The following MCOLN2 variants were observed in gnomAD, a reference collection of about 807,000 sequenced individuals.
MCOLN2 encodes the protein mucolipin-2.
Under a neutral mutation model 67.5 loss-of-function variants are expected in MCOLN2, and 57 were observed. That is an observed-to-expected ratio of 0.84 (90% CI 0.68 to 1.05). The LOEUF is 1.05. Among genes scored for constraint, MCOLN2 ranks in the 50% least tolerant of loss-of-function variants. The pLI, the probability that MCOLN2 is intolerant of heterozygous loss-of-function variation, is 0.00. For missense variants in MCOLN2, 620 were observed against 678.8 expected (o/e 0.91, Z 0.96); for synonymous variants, 246 against 233.3 (o/e 1.05, Z -0.50).
Position 84,960,094 on chromosome 1 carries a change from G to A in MCOLN2, c.238-1392C>T, listed in dbSNP as rs12072647. Among the ~76,000 whole-genome samples, 772 of 152,122 alleles carry A rather than the reference G, an allele frequency of 5.1e-3. 7 individuals carry two copies. The highest frequency in any genetic ancestry group is 0.018 in the African/African-American group (735 of 41,488). On this transcript the variant is annotated intron_variant, in intron 2 of 13. Coordinates refer to ENST00000370608, the MANE Select transcript of MCOLN2 (RefSeq NM_153259.4). ...ATATGCAAACAACATACAGGCATAC[G>A]GTTTTTTCATGGTTTACATTTTTTA...
chr1:84,939,950 A>C (rs1279554923), intron 8 of MCOLN2, among the ~76,000 whole-genome samples: 3 of 152,186 alleles, frequency 2.0e-5, no homozygotes, highest in Non-Finnish European at 4.4e-5. Context: ...TTCTTGTCAT[A>C]GCTAACACAC....
intron 2 of MCOLN2, among the ~76,000 whole-genome samples, chr1:84,965,230 A>G (rs1261740988): frequency 1.3e-5 from 2 of 152,232 alleles, no homozygotes; most frequent in Admixed American, 6.5e-5. Flanking sequence ...TTTTGGAAGT[A>G]TATTTGAATA....
intron 1 of MCOLN2, among the ~76,000 whole-genome samples, chr1:84,974,704 A>T (rs1435081954): frequency 6.6e-6 from 1 of 151,872 alleles, no homozygotes; most frequent in African/African-American, 2.4e-5. Flanking sequence ...CATCTCGGCT[A>T]TTGGGGGGTG....
At chr1:84,975,832 A>G (rs1393080628) in intron 1 of MCOLN2, among the ~76,000 whole-genome samples, 3 of 152,140 alleles carry the variant, frequency 2.0e-5, no homozygotes, top group African/African-American at 7.2e-5. Context: ...ACAGAGATTG[A>G]CATAATTAAA....
intron 1 of MCOLN2, among the ~76,000 whole-genome samples, chr1:84,973,649 A>G (rs556668586): frequency 1.3e-5 from 2 of 152,256 alleles, no homozygotes; most frequent in East Asian, 3.9e-4. Context: ...AAGCATTTTT[A>G]GAATGTATCA....
intron 1 of MCOLN2, among the ~76,000 whole-genome samples, chr1:84,985,148 C>T (rs1650444277): frequency 6.6e-6 from 1 of 152,124 alleles, no homozygotes; most frequent in Non-Finnish European, 1.5e-5. Context: ...GCATTTACCT[C>T]CTCAAGCTGA....
intron 1 of MCOLN2, among the ~76,000 whole-genome samples, chr1:84,976,328 C>T (rs529654214): frequency 1.3e-5 from 2 of 152,274 alleles, no homozygotes; most frequent in East Asian, 3.9e-4. Flanking sequence ...AGCATCAATA[C>T]ATCTGGCAGT....
intron 11 of MCOLN2, among the ~76,000 whole-genome samples, chr1:84,932,707 C>T (rs539641144): frequency 6.6e-5 from 10 of 152,156 alleles, no homozygotes; most frequent in Admixed American, 3.9e-4. Context: ...TACTCTTCCC[C>T]GCTTTCAGTC....
At chr1:84,964,490 A>G (rs1649266074) in intron 2 of MCOLN2, among the ~76,000 whole-genome samples, 2 of 143,448 alleles carry the variant, frequency 1.4e-5, no homozygotes, top group Non-Finnish European at 3.0e-5. Context: ...GGTTTTGTAG[A>G]AGACAATTTT....
chr1:84,975,951 C>A (rs1388873113), intron 1 of MCOLN2, among the ~76,000 whole-genome samples: 1 of 151,784 alleles, frequency 6.6e-6, no homozygotes, highest in Non-Finnish European at 1.5e-5. Flanking sequence ...AATTAGTGAG[C>A]TCCAAGACAG....
At chr1:84,950,130 T>C (rs912325053) in intron 6 of MCOLN2, among the ~76,000 whole-genome samples, 1 of 152,198 alleles carries the variant, frequency 6.6e-6, no homozygotes, top group Non-Finnish European at 1.5e-5. Flanking sequence ...AATTAGAGGC[T>C]AAGGAACTCA....
At position 84,926,689 on chromosome 1, in the gene MCOLN2, C is replaced by A; in HGVS notation, c.1697G>T (p.Ser566Ile). The A allele has an allele frequency of 6.3e-7, 1 of 1,592,666 alleles. No homozygotes were observed. Among genetic ancestry groups the A allele is most frequent in the Non-Finnish European group, 8.6e-7 (1 of 1,166,644 alleles). The change falls in exon 14 of 14, where the codon AGC (serine) becomes ATC (isoleucine). Residue 566 changes from serine to isoleucine, a missense_variant. Ser to Ile is a moderately radical substitution (Grantham distance 142, BLOSUM62 -2). Transcript: ENST00000370608. ...TTAATCATCTTTAGCAGAACTTTAGCTAATAGGTATCAAGTGATCATCACT... is the reference window on the plus strand; with the variant it reads ...TTAATCATCTTTAGCAGAACTTTAGATAATAGGTATCAAGTGATCATCACT... ...KRSDDHLIPIS is the reference protein window; with the variant it reads ...KRSDDHLIPII
intron 7 of MCOLN2, among the ~76,000 whole-genome samples, chr1:84,941,966 A>G (rs1030933): frequency 0.56 from 85,394 of 152,010 alleles, 24,350 homozygotes; most frequent in East Asian, 0.74. Context: ...ATCCCAGCCC[A>G]GCTCTCTTCT....
chr1:84,951,936 G>T (rs949879975), intron 6 of MCOLN2, among the ~76,000 whole-genome samples: 1 of 152,018 alleles, frequency 6.6e-6, no homozygotes, highest in African/African-American at 2.4e-5. Flanking sequence ...ACACAAAAAA[G>T]TTAAGCTGGG....
chr1:84,949,134 A>C (rs1360925161), intron 6 of MCOLN2, among the ~76,000 whole-genome samples: 1 of 152,236 alleles, frequency 6.6e-6, no homozygotes, highest in Non-Finnish European at 1.5e-5. Flanking sequence ...TGTCTCGATA[A>C]AAATAAAGTA....
At chr1:84,995,531 CACTTTT>C (rs1419667553) in intron 1 of MCOLN2, among the ~76,000 whole-genome samples, 3 of 152,152 alleles carry the variant, frequency 2.0e-5, no homozygotes, top group Admixed American at 6.5e-5. Context: ...CAGGAAAGTC[CACTTTT>C]ACTTTTACAG....
At chr1:84,930,221 C>T (rs369736038) in intron 12 of MCOLN2, among the ~76,000 whole-genome samples, 9 of 151,880 alleles carry the variant, frequency 5.9e-5, no homozygotes, top group Admixed American at 3.9e-4. Flanking sequence ...TAGGATTATA[C>T]CACTGTCCTC....
chr1:84,994,824 G>A lies in MCOLN2; in HGVS notation c.77+1972C>T, dbSNP rs868537161. ...ACATCTCATATGCATTCAAAACTTG[G>A]CTAAATGGCACAAAATGCCTAGCTT... is the stretch of plus-strand genomic sequence containing the variant. On this transcript the variant is annotated intron_variant, in intron 1 of 13. Transcript: ENST00000370608. Among the ~76,000 whole-genome samples the A allele has an allele frequency of 5.9e-5, 9 of 152,212 alleles. No homozygotes were observed. The Middle Eastern group carries it at 0.014, about 230-fold the overall frequency.
chr1:84,974,478 A>T (rs1340692582), intron 1 of MCOLN2, among the ~76,000 whole-genome samples: 3 of 151,940 alleles, frequency 2.0e-5, no homozygotes, highest in Admixed American at 2.0e-4. Context: ...GGTCAGAGTC[A>T]TAATGCCTCT....
Sources: allele counts gnomAD v4.1 joint callset (sites outside exome capture counted in the v4.1 genomes callset), GRCh38; gene constraint gnomAD v4.1.1; transcripts MANE v1.5; gene names NCBI Gene and HGNC (gene_info 2026-07-23, HGNC 2026-07-21).